Variants in FBXL13 observed in about 807,000 individuals in gnomAD.
FBXL13 encodes F-box and leucine-rich repeat protein 13.
A neutral mutation model predicts 83.6 loss-of-function variants in FBXL13; 67 were observed. That is an observed-to-expected ratio of 0.80 (90% CI 0.66 to 0.98). The LOEUF (loss-of-function observed/expected upper bound fraction) is 0.98. Ranked by LOEUF, FBXL13 falls within the 50% of genes least tolerant of loss-of-function variation. The probability of loss-of-function intolerance (pLI) is 0.00; values close to 1 mark genes in which losing one functional copy is unlikely to be tolerated. For missense variants in FBXL13, 822 were observed against 866.5 expected (o/e 0.95, Z 0.64); for synonymous variants, 272 against 299.5 (o/e 0.91, Z 0.95).
At position 103,015,815 on chromosome 7, in the gene FBXL13, A is replaced by C. The variant is rs1450851343; in HGVS notation, c.495+9248T>G. ...CTCATCTCAAAAAAAAAAAAAAAGC[A>C]ATGTACAAAAATCAGTAGTATTCCT... On this transcript the variant is annotated intron_variant, in intron 6 of 19. Coordinates refer to ENST00000313221, the Ensembl canonical transcript of FBXL13. Among the ~76,000 whole-genome samples, 7 of 151,596 alleles carry C rather than the reference A, an allele frequency of 4.6e-5. No homozygotes were observed. In the East Asian group the frequency reaches 1.2e-3, roughly 25 times the overall value.
chr7:103,037,358 G>A (rs1293687104), intron 2 of FBXL13, among the ~76,000 whole-genome samples: 1 of 152,168 alleles, frequency 6.6e-6, no homozygotes, highest in Non-Finnish European at 1.5e-5. Flanking sequence ...TAAAACTCCA[G>A]CCCCTAAGGG....
intron 10 of FBXL13, among the ~76,000 whole-genome samples, chr7:102,913,506 G>A (rs1815182179): frequency 6.6e-6 from 1 of 152,022 alleles, no homozygotes; most frequent in Non-Finnish European, 1.5e-5. Flanking sequence ...AGCTTTTTTG[G>A]TGTGTGTGAG....
At chr7:102,878,361 C>T in exon 15 of FBXL13, 1 of 1,607,914 alleles carries the variant, frequency 6.2e-7, no homozygotes, top group Non-Finnish European at 8.5e-7. Context: ...AGAGGCATCA[C>T]TTAGCCGCAC....
intron 1 of FBXL13, among the ~76,000 whole-genome samples, chr7:103,072,016 C>T (rs559259402): frequency 9.2e-5 from 14 of 151,936 alleles, no homozygotes; most frequent in Non-Finnish European, 1.6e-4. Context: ...AACCCTGTCT[C>T]GACTAAAAAT....
intron 8 of FBXL13, among the ~76,000 whole-genome samples, chr7:102,941,555 G>A (rs1446199996): frequency 3.3e-5 from 5 of 152,084 alleles, no homozygotes; most frequent in Non-Finnish European, 7.4e-5. Flanking sequence ...CAATTCCCCT[G>A]TCTTGATAAA....
chr7:103,006,932 A>G (rs1440702299), intron 6 of FBXL13, among the ~76,000 whole-genome samples: 2 of 152,294 alleles, frequency 1.3e-5, no homozygotes, highest in South Asian at 2.1e-4. Context: ...GATCAATACA[A>G]TATCTGTAAT....
intron 7 of FBXL13, among the ~76,000 whole-genome samples, chr7:102,964,097 G>T (rs1040547596): frequency 1.3e-5 from 2 of 152,026 alleles, no homozygotes; most frequent in African/African-American, 2.4e-5. Flanking sequence ...GATCACTTGA[G>T]GCTGCGAGTT....
chr7:103,033,919 A>G (rs1320673862), intron 2 of FBXL13, among the ~76,000 whole-genome samples: 2 of 152,122 alleles, frequency 1.3e-5, no homozygotes, highest in African/African-American at 4.8e-5. Context: ...CCTGAGCTAG[A>G]CACAAAGGTT....
intron 11 of FBXL13, among the ~76,000 whole-genome samples, chr7:102,912,673 C>CT (rs1011068971): frequency 6.8e-5 from 5 of 73,862 alleles, no homozygotes; most frequent in African/African-American, 3.2e-4. Flanking sequence ...AGCATTTTAC[C>CT]CCCCCCCCCC....
chr7:103,052,145 G>C (rs1046755877), intron 2 of FBXL13, among the ~76,000 whole-genome samples: 1 of 152,218 alleles, frequency 6.6e-6, no homozygotes, highest in African/African-American at 2.4e-5. Context: ...CATAACCTTT[G>C]AAGTTTTTTG....
intron 16 of FBXL13, 51 bp downstream of exon 17, chr7:102,877,416 T>C (rs761243595): frequency 1.5e-5 from 21 of 1,367,816 alleles, no homozygotes; most frequent in Admixed American, 2.6e-5. Context: ...TAGCAAATAA[T>C]TGTATTATAG....
rs1264735832 is a variant in FBXL13 at position 102,942,427 on chromosome 7, AAGAG to A, written c.725-10498_725-10495del. On this transcript the variant is annotated intron_variant, in intron 8 of 19. Coordinates refer to ENST00000313221, the Ensembl canonical transcript of FBXL13. ...TAAAATGCCAGACATTGTTGTGGAAAAGAGAAAGAAGATACCCTACTAGGGGGTT... is the reference window on the plus strand; with the variant it reads ...TAAAATGCCAGACATTGTTGTGGAAAAAAGAAGATACCCTACTAGGGGGTT... The A allele has an allele frequency of 2.5e-6, 3 of 1,222,960 alleles. No homozygotes were observed. In the East Asian group the frequency reaches 7.8e-5, roughly 32 times the overall value. The allele number at this position is 1,222,960 out of a possible 1,614,324, so 75.8% of individuals were successfully genotyped here. A position where few individuals can be genotyped will look rare whatever the true frequency, so the allele number is the denominator to read the frequency against.
At chr7:103,009,042 T>C (rs982972576) in intron 6 of FBXL13, among the ~76,000 whole-genome samples, 1 of 151,970 alleles carries the variant, frequency 6.6e-6, no homozygotes, top group Non-Finnish European at 1.5e-5. Flanking sequence ...AAAATGCATA[T>C]TTTAAATCCT....
At chr7:102,997,126 A>G (rs888600680) in intron 6 of FBXL13, among the ~76,000 whole-genome samples, 4 of 152,214 alleles carry the variant, frequency 2.6e-5, no homozygotes, top group Admixed American at 2.0e-4. Context: ...ATATTTTTAT[A>G]GTTATTGAAA....
rs373220880 is a variant in FBXL13 at position 102,871,547 on chromosome 7, G to A, written c.1635+5920C>T. Among the ~76,000 whole-genome samples, 19 of 151,860 alleles carry A rather than the reference G, an allele frequency of 1.3e-4. No individual in the cohort carries two copies. The East Asian group carries it at 3.5e-3, about 28-fold the overall frequency. ...ACTACATGCGCATGCCACCATGCCT[G>A]GCTAAATTTTTTTTTTCTGTATTTT... On this transcript the variant is annotated intron_variant, in intron 16 of 19. Coordinates refer to ENST00000313221, the Ensembl canonical transcript of FBXL13.
At chr7:102,824,447 T>C (rs1423597742) in intron 18 of FBXL13, among the ~76,000 whole-genome samples, 1 of 152,214 alleles carries the variant, frequency 6.6e-6, no homozygotes, top group Non-Finnish European at 1.5e-5. Flanking sequence ...CCTATCCCCA[T>C]TAACAGATTT....
intron 5 of FBXL13, among the ~76,000 whole-genome samples, chr7:103,026,750 G>A (rs1563239391): frequency 6.6e-6 from 1 of 152,142 alleles, no homozygotes; most frequent in Non-Finnish European, 1.5e-5. Flanking sequence ...TAGGTGAGTA[G>A]AGGCATTGAT....
In FBXL13 at chr7:102,883,609, C is replaced by T; in HGVS notation, c.1184G>A (p.Arg395Lys). 3 of 1,612,192 alleles carry T rather than the reference C, an allele frequency of 1.9e-6. No individual in the cohort carries two copies. The East Asian group carries it at 6.7e-5, about 36-fold the overall frequency. Residue 395 changes from arginine to lysine, a missense_variant, in exon 13 of 20, where the codon AGA (arginine) becomes AAA (lysine). Arg to Lys is a conservative substitution (Grantham distance 26). Transcript: ENST00000313221. ...TCTGAGTTTACAAGCAGAAAGAGCT[C>T]TGAAAGTACAATCGGAGATATGCGG...
chr7:102,910,378 TTTTC>T (rs1346947239), intron 11 of FBXL13, among the ~76,000 whole-genome samples: 3 of 151,432 alleles, frequency 2.0e-5, no homozygotes, highest in Middle Eastern at 3.4e-3. Flanking sequence ...TGTTTTTTCT[TTTTC>T]TTTCTTTTTT....
Sources: gnomAD v4.1 joint callset for allele counts (sites outside exome capture counted in the v4.1 genomes callset) on GRCh38, gnomAD v4.1.1 for gene constraint, MANE v1.5 for transcripts, NCBI Gene and HGNC (gene_info 2026-07-23, HGNC 2026-07-21) for gene names.